CDH13: variants seen among roughly 807,000 people sequenced by gnomAD.
CDH13 encodes cadherin-13.
In CDH13, 24 loss-of-function variants were observed where a neutral mutation model predicts 63.8. The ratio of observed to expected loss-of-function variants is 0.38; its 90% CI spans 0.27 to 0.53. CDH13 has a LOEUF of 0.53. CDH13 is among the 20% of genes least tolerant of loss of function. The pLI, the probability that CDH13 is intolerant of heterozygous loss-of-function variation, is 0.85. For missense variants in CDH13, 1,049 were observed against 903.1 expected, an observed-to-expected ratio of 1.16 and a Z score of -2.07; for synonymous variants, 503 against 355.3, an observed-to-expected ratio of 1.42 and a Z score of -4.67.
intron 3 of CDH13, among the ~76,000 whole-genome samples, chr16:83,124,170 C>G (rs1168513893): frequency 6.6e-6 from 1 of 152,032 alleles, no homozygotes; most frequent in Non-Finnish European, 1.5e-5. Flanking sequence ...CTCAGCCTCC[C>G]TAGTAGCTGG....
chr16:82,999,970 G>A (rs1912685053), intron 2 of CDH13, among the ~76,000 whole-genome samples: 1 of 152,012 alleles, frequency 6.6e-6, no homozygotes, highest in South Asian at 2.1e-4. Context: ...GGCATCTTGT[G>A]GGTAGAATTC....
intron 2 of CDH13, among the ~76,000 whole-genome samples, chr16:82,948,868 A>T (rs1030596285): frequency 6.6e-6 from 1 of 152,200 alleles, no homozygotes; most frequent in Admixed American, 6.5e-5. Flanking sequence ...TACTGAACAC[A>T]TTTTAATGAG....
At chr16:83,764,509 C>A (rs765191849) in intron 11 of CDH13, among the ~76,000 whole-genome samples, 2 of 152,194 alleles carry the variant, frequency 1.3e-5, no homozygotes, top group African/African-American at 2.4e-5. Context: ...GCCAAAGTGT[C>A]TTTTAGCTGG....
chr16:82,724,148 G>C (rs183118045), intron 1 of CDH13, among the ~76,000 whole-genome samples: 12 of 152,216 alleles, frequency 7.9e-5, no homozygotes, highest in Middle Eastern at 3.4e-3. Context: ...GAGGTTTTTT[G>C]TTATATACAC....
chr16:82,831,714 A>G (rs2038550543), intron 1 of CDH13, among the ~76,000 whole-genome samples: 1 of 152,202 alleles, frequency 6.6e-6, no homozygotes, highest in Non-Finnish European at 1.5e-5. Context: ...GCTGCTCCAC[A>G]TTGTTCCATG....
At chr16:82,927,092 G>A (rs112024168) in intron 2 of CDH13, among the ~76,000 whole-genome samples, 3 of 152,216 alleles carry the variant, frequency 2.0e-5, no homozygotes, top group South Asian at 2.1e-4. Context: ...GATTCTGGCT[G>A]TTGGCCACAG....
At chr16:83,365,313 T>A (rs2091237892) in intron 6 of CDH13, among the ~76,000 whole-genome samples, 1 of 152,324 alleles carries the variant, frequency 6.6e-6, no homozygotes, top group Non-Finnish European at 1.5e-5. Flanking sequence ...ACTCAGCTTT[T>A]TGGTTCTGTT....
intron 6 of CDH13, among the ~76,000 whole-genome samples, chr16:83,358,737 G>C (rs1315478430): frequency 2.0e-5 from 3 of 152,052 alleles, no homozygotes. Flanking sequence ...ATGGTAATCA[G>C]AAAATTGAGT....
chr16:83,708,157 A>AGCCACC (rs1907424120), intron 10 of CDH13, among the ~76,000 whole-genome samples: 2 of 152,304 alleles, frequency 1.3e-5, no homozygotes, highest in South Asian at 4.1e-4. Flanking sequence ...ATCCACCCAA[A>AGCCACC]GCCACCGGGA....
intron 12 of CDH13, among the ~76,000 whole-genome samples, chr16:83,781,791 G>T (rs1915542375): frequency 6.6e-6 from 1 of 151,906 alleles, no homozygotes; most frequent in South Asian, 2.1e-4. Context: ...AGAGGGGGGT[G>T]AGCATCAGGA....
chr16:83,529,105 T>C (rs1446676398), intron 7 of CDH13, among the ~76,000 whole-genome samples: 1 of 151,574 alleles, frequency 6.6e-6, no homozygotes, highest in Non-Finnish European at 1.5e-5. Context: ...TTTTTTTTTT[T>C]TTCTTTTTCA....
At chr16:83,067,396 A>T (rs2032099948) in intron 3 of CDH13, among the ~76,000 whole-genome samples, 1 of 152,208 alleles carries the variant, frequency 6.6e-6, no homozygotes, top group Non-Finnish European at 1.5e-5. Context: ...GTTCTATAAA[A>T]TGGGAACCAT....
intron 5 of CDH13, among the ~76,000 whole-genome samples, chr16:83,269,434 A>G (rs75592158): frequency 5.3e-5 from 8 of 152,230 alleles, no homozygotes; most frequent in South Asian, 2.1e-4. Flanking sequence ...CACATCATCT[A>G]TTTGGACCTA....
intron 4 of CDH13, among the ~76,000 whole-genome samples, chr16:83,201,340 G>A (rs1334126604): frequency 6.6e-6 from 1 of 151,748 alleles, no homozygotes; most frequent in Non-Finnish European, 1.5e-5. Flanking sequence ...AGTATGTCAG[G>A]TACTGAGGGT....
At chr16:83,094,243 G>A (rs1397592667) in intron 3 of CDH13, among the ~76,000 whole-genome samples, 2 of 152,166 alleles carry the variant, frequency 1.3e-5, no homozygotes, top group African/African-American at 4.8e-5. Flanking sequence ...GAGCACTTGT[G>A]ACCCCTGCTT....
chr16:83,361,388 T>C (rs2151386019), intron 6 of CDH13, among the ~76,000 whole-genome samples: 1 of 152,342 alleles, frequency 6.6e-6, no homozygotes, highest in Middle Eastern at 3.4e-3. Flanking sequence ...TTGTTGTCCA[T>C]TTACTCTGTT....
intron 1 of CDH13, among the ~76,000 whole-genome samples, chr16:82,678,274 T>A (rs12446964): frequency 0.12 from 18,134 of 151,876 alleles, 1,344 homozygotes; most frequent in East Asian, 0.26. Context: ...ATATTGCTTT[T>A]CTTAACGTTG....
intron 11 of CDH13, among the ~76,000 whole-genome samples, chr16:83,752,688 G>A (rs1597177812): frequency 6.6e-6 from 1 of 152,196 alleles, no homozygotes; most frequent in South Asian, 2.1e-4. Context: ...TGAACTGTCT[G>A]GCTGTGTAAC....
chr16:83,096,465 G>T (rs1567825289), intron 3 of CDH13, among the ~76,000 whole-genome samples: 3 of 152,190 alleles, frequency 2.0e-5, no homozygotes, highest in East Asian at 3.9e-4. Flanking sequence ...ATAGCTAAAG[G>T]ATTGCTCACA....
Sources: gnomAD v4.1 joint callset for allele counts (sites outside exome capture counted in the v4.1 genomes callset) on GRCh38, gnomAD v4.1.1 for gene constraint, MANE v1.5 for transcripts, NCBI Gene and HGNC (gene_info 2026-07-23, HGNC 2026-07-21) for gene names.